The following HNRNPR variants were observed in gnomAD, a reference collection of about 807,000 sequenced individuals.
The protein encoded by HNRNPR is heterogeneous nuclear ribonucleoprotein R.
In HNRNPR, 4 loss-of-function variants were observed where a neutral mutation model predicts 70.3. The ratio of observed to expected loss-of-function variants is 0.06; its 90% CI spans 0.03 to 0.13. The LOEUF is 0.13. HNRNPR is among the 10% of genes least tolerant of loss of function. The probability of loss-of-function intolerance (pLI) is 1.00; values close to 1 mark genes in which losing one functional copy is unlikely to be tolerated. For synonymous variants in HNRNPR, 241 were observed against 267.6 expected, an observed-to-expected ratio of 0.90 and a Z score of 0.97; for missense variants, 423 against 788.5, an observed-to-expected ratio of 0.54 and a Z score of 5.55.
At chr1:23,316,250 T>C (rs1182399345) in intron 8 of HNRNPR, among the ~76,000 whole-genome samples, 1 of 152,078 alleles carries the variant, frequency 6.6e-6, no homozygotes. Flanking sequence ...GGCTGCAGTG[T>C]GCTATGACTG....
Position 23,323,271 on chromosome 1 carries a change from A to T in HNRNPR, c.675+285T>A, listed in dbSNP as rs1370118360. On this transcript the variant is annotated intron_variant, in intron 6 of 10. Coordinates refer to ENST00000302271, the MANE Select transcript of HNRNPR (RefSeq NM_005826.5). The stretch of plus-strand genomic sequence containing the variant: ...CTTTTGCCTAAAACCAAAAGACAGA[A>T]ATGCATAAGCCAAATACTCATATGA... Among the ~76,000 whole-genome samples the T allele has an allele frequency of 3.3e-5, 5 of 152,212 alleles. No homozygotes were observed. In the East Asian group the frequency reaches 9.6e-4, roughly 29 times the overall value.
chr1:23,312,933 A>G (rs1192872529), intron 9 of HNRNPR, among the ~76,000 whole-genome samples: 1 of 152,186 alleles, frequency 6.6e-6, no homozygotes, highest in Non-Finnish European at 1.5e-5. Flanking sequence ...ATAGTCCTAA[A>G]CCATTGTCGA....
intron 5 of HNRNPR, among the ~76,000 whole-genome samples, chr1:23,324,912 G>A (rs1400493740): frequency 5.9e-5 from 9 of 151,834 alleles, no homozygotes; most frequent in African/African-American, 1.5e-4. Context: ...AGGCTGAGGC[G>A]GGCGGATCAC....
At chr1:23,312,277 G>C (rs1220830171) in intron 9 of HNRNPR, among the ~76,000 whole-genome samples, 2 of 152,086 alleles carry the variant, frequency 1.3e-5, no homozygotes, top group Non-Finnish European at 2.9e-5. Flanking sequence ...AAGCTTCCTG[G>C]CATAAATTAA....
intron 9 of HNRNPR, chr1:23,311,868 C>T (rs1451992960): frequency 6.6e-6 from 1 of 152,556 alleles, no homozygotes; most frequent in Admixed American, 6.5e-5. Flanking sequence ...CTAGGTTTCC[C>T]TCACAATGCT....
intron 5 of HNRNPR, among the ~76,000 whole-genome samples, chr1:23,332,840 C>T (rs1053551856): frequency 6.6e-6 from 1 of 151,656 alleles, no homozygotes; most frequent in Admixed American, 6.6e-5. Flanking sequence ...CTGGGCAACA[C>T]AGTGAGACCT....
rs1645198318 is a variant in HNRNPR at position 23,306,066 on chromosome 1, C to T, written c.*4388G>A. ...AAGATGCATTATATGTTAATCTATC[C>T]AACAAAATATAGAAAATATAATACT... On this transcript the variant is annotated 3_prime_UTR_variant, in exon 11 of 11. Transcript: ENST00000302271. The T allele has an allele frequency of 6.6e-6, 1 of 151,900 alleles. No individual in the cohort carries two copies. The highest frequency in any genetic ancestry group is 2.4e-5 in the African/African-American group (1 of 41,352). The allele number at this position is 151,900 out of a possible 1,614,324, so 9.4% of individuals were successfully genotyped here.
chr1:23,337,933 T>TA, intron 3 of HNRNPR, 72 bp from the exon 4 acceptor site: 1 of 916,264 alleles, frequency 1.1e-6, no homozygotes. Context: ...TAATTAAATT[T>TA]AAATTTCAGA....
At chr1:23,321,441 T>C (rs1388316704) in intron 7 of HNRNPR, 87 bp downstream of exon 7, 1 of 1,101,826 alleles carries the variant, frequency 9.1e-7, no homozygotes, top group Non-Finnish European at 1.3e-6. Context: ...CTTAATTTAA[T>C]ACATACAACC....
Position 23,310,096 on chromosome 1 carries a change from A to G in HNRNPR, c.*358T>C, listed in dbSNP as rs1174651429. 5.7e-6 allele frequency: 1 copy of G among 174,496 alleles called. No homozygotes were observed. Among genetic ancestry groups the G allele is most frequent in the African/African-American group, 2.4e-5 (1 of 42,000 alleles). The allele number at this position is 174,496 out of a possible 1,614,324, so 10.8% of individuals were successfully genotyped here. A position where few individuals can be genotyped will look rare whatever the true frequency, so the allele number is the denominator to read the frequency against. On this transcript the variant is annotated 3_prime_UTR_variant, in exon 11 of 11. Transcript: ENST00000302271. The surrounding 1 kb of genome is among the most constrained non-coding windows in gnomAD (Gnocchi z 6.0). ...TATTTACAGCATACTCCATACTCCT[A>G]TGTAATCTATCCCAAATCCAAAAAA...
Position 23,337,757 on chromosome 1 carries a change from G to T in HNRNPR, c.381C>A (p.Ile127=). The change falls in exon 4 of 11, where the codon ATC becomes ATA. Residue 127 remains isoleucine (I), a synonymous_variant. Coordinates refer to ENST00000302271, the MANE Select transcript of HNRNPR (RefSeq NM_005826.5). The part of the protein sequence containing the change: ...ESTKGPDEAK[I]KALLERTGYT... ...AACTACCCAAGTCAAGTTTTACCTT[G>T]ATCTTCGCTTCATCAGGTCCCTTTG... 6.3e-7 allele frequency: 1 copy of T among 1,597,770 alleles called. No homozygotes were observed. The highest frequency in any genetic ancestry group is 8.6e-7 in the Non-Finnish European group (1 of 1,167,806).
Position 23,313,671 on chromosome 1 carries a change from G to C in HNRNPR, c.1049C>G (p.Thr350Ser), listed in dbSNP as rs764942358. 1 of 1,604,300 alleles carries C rather than the reference G, an allele frequency of 6.2e-7. No individual in the cohort carries two copies. The highest frequency in any genetic ancestry group is 8.5e-7 in the Non-Finnish European group (1 of 1,177,504). Residue 350 changes from threonine to serine, a missense_variant, in exon 9 of 11, where the codon ACT (threonine) becomes AGT (serine). By Grantham distance (58) the Thr-to-Ser change is moderately conservative. Transcript: ENST00000302271. ...VKVLFVRNLA[T>S]TVTEEILEKS... ...TTCCAATATTTCTTCTGTCACCGTA[G>C]TAGCCAAGTTTCTCACAAACAAAAC...
chr1:23,311,443 T>A, intron 9 of HNRNPR, 121 bp from the exon 10 acceptor site: 1 of 667,886 alleles, frequency 1.5e-6, no homozygotes, highest in East Asian at 2.8e-5. Context: ...ACAATTATTT[T>A]AAATGGCAAA....
intron 5 of HNRNPR, among the ~76,000 whole-genome samples, chr1:23,325,268 T>C (rs593246): frequency 0.058 from 8,832 of 152,146 alleles, 835 homozygotes; most frequent in African/African-American, 0.2. Context: ...GTCTGAAAAA[T>C]AGCTGGAATA....
In HNRNPR at chr1:23,313,691, C is replaced by T. The variant is rs750671675; in HGVS notation, c.1029G>A (p.Leu343=). The T allele has an allele frequency of 1.3e-6, 2 of 1,597,532 alleles. No homozygotes were observed. The highest frequency in any genetic ancestry group is 1.2e-5 in the South Asian group (1 of 86,820). ...DPEVMAKVKV[L]FVRNLATTVT... Reference sequence around the variant, plus strand: ...CCGTAGTAGCCAAGTTTCTCACAAACAAAACTTTTACCTAGTAAGCAACAA... The same window carrying T: ...CCGTAGTAGCCAAGTTTCTCACAAATAAAACTTTTACCTAGTAAGCAACAA... The change falls in exon 9 of 11, where the codon TTG becomes TTA. Residue 343 remains leucine, a synonymous_variant. Transcript: ENST00000302271.
In HNRNPR at chr1:23,318,775, G is replaced by T; in HGVS notation, c.812-87C>A. On this transcript the variant is annotated intron_variant, in intron 7 of 10. Transcript: ENST00000302271. This position sits in a 1 kb window ranked among gnomAD's most constrained non-coding sequence, Gnocchi z 4.2. ...CAGACCTAAATCCACTTGACGATGA[G>T]CAAAATATAAGTGAAGCAGCCTCAA... 2 of 1,269,670 alleles carry T rather than the reference G, an allele frequency of 1.6e-6. No homozygotes were observed. The highest frequency in any genetic ancestry group is 1.3e-5 in the South Asian group (1 of 75,420). 78.7% of individuals were successfully genotyped at this position (1,269,670 alleles called of 1,614,324 possible).
intron 5 of HNRNPR, among the ~76,000 whole-genome samples, chr1:23,330,490 G>A (rs992450074): frequency 2.0e-5 from 3 of 152,004 alleles, no homozygotes; most frequent in South Asian, 2.1e-4. Flanking sequence ...AGCCGAGATC[G>A]TGCCATTACA....
chr1:23,312,129 A>G (rs147890051), intron 9 of HNRNPR, among the ~76,000 whole-genome samples: 285 of 152,252 alleles, frequency 1.9e-3, no homozygotes, highest in African/African-American at 6.6e-3. Flanking sequence ...GGGCACACAT[A>G]AAAAAATGTT....
In HNRNPR at chr1:23,307,057, T is replaced by C. The variant is rs957122595; in HGVS notation, c.*3397A>G. On this transcript the variant is annotated 3_prime_UTR_variant, in exon 11 of 11. Transcript: ENST00000302271. The stretch of plus-strand genomic sequence containing the variant: ...CACATAATAATGGACTACACTAATA[T>C]TAACTTTGGTTAGTTTTCTTTAAGA... 1.3e-5 allele frequency: 2 copies of C among 152,202 alleles called. No homozygotes were observed. Among genetic ancestry groups the C allele is most frequent in the Admixed American group, 6.5e-5 (1 of 15,284 alleles). 9.4% of individuals were successfully genotyped at this position (152,202 alleles called of 1,614,324 possible).
Sources: gnomAD v4.1 joint callset for allele counts (sites outside exome capture counted in the v4.1 genomes callset) on GRCh38, gnomAD v4.1.1 for gene constraint, Gnocchi (gnomAD v3.1) non-coding constraint, MANE v1.5 for transcripts, NCBI Gene and HGNC (gene_info 2026-07-23, HGNC 2026-07-21) for gene names.